The following POLR3G variants were observed in gnomAD, a reference collection of about 807,000 sequenced individuals.
POLR3G encodes DNA-directed RNA polymerase III subunit RPC7.
In POLR3G, 28 loss-of-function variants were observed where a neutral mutation model predicts 30.1. The observed-to-expected ratio is 0.93, with a 90% CI of 0.69 to 1.27. The LOEUF (loss-of-function observed/expected upper bound fraction) is 1.27. Among genes scored for constraint, POLR3G ranks in the 50% most tolerant of loss-of-function variants. The pLI, the probability that POLR3G is intolerant of heterozygous loss-of-function variation, is 0.00. For synonymous variants in POLR3G, 79 were observed against 82.5 expected, an observed-to-expected ratio of 0.96 and a Z score of 0.23; for missense variants, 254 against 264.6, an observed-to-expected ratio of 0.96 and a Z score of 0.28.
At chr5:90,473,960 C>A, upstream of POLR3G, 2 of 1,600,772 alleles carry the variant, frequency 1.2e-6, no homozygotes, top group East Asian at 2.3e-5. Context: ...CAAAGTTGTC[C>A]CCGCGAGCCA....
At chr5:90,495,441 A>G (rs2255938) in intron 3 of POLR3G, among the ~76,000 whole-genome samples, 103,912 of 152,024 alleles carry the variant, frequency 0.68, 36,119 homozygotes, top group African/African-American at 0.81. Flanking sequence ...GTTTTCAGCA[A>G]TTGGCATGTA....
chr5:90,495,665 T>G lies in POLR3G; in HGVS notation c.248-12T>G, dbSNP rs769838630. On this transcript the variant is annotated splice_polypyrimidine_tract_variant and intron_variant, in intron 3 of 7. Coordinates refer to ENST00000651687, the MANE Select transcript of POLR3G (RefSeq NM_006467.3). ...ATTTTCCTAATGAGTTCTTTATTCT[T>G]TTTTCCCCTAGATATTGAAAGGTAT... The G allele has an allele frequency of 1.0e-5, 16 of 1,600,174 alleles. No homozygotes were observed. Among genetic ancestry groups the G allele is most frequent in the Non-Finnish European group, 1.3e-5 (15 of 1,173,842 alleles).
At chr5:90,505,941 G>C (rs1752460889) in intron 6 of POLR3G, among the ~76,000 whole-genome samples, 1 of 152,114 alleles carries the variant, frequency 6.6e-6, no homozygotes, top group Non-Finnish European at 1.5e-5. Context: ...TTTAGAAGGA[G>C]GTAAGATAGA....
At chr5:90,490,273 G>GT (rs1299729037) in intron 3 of POLR3G, among the ~76,000 whole-genome samples, 1 of 106,840 alleles carries the variant, frequency 9.4e-6, no homozygotes, top group East Asian at 2.6e-4. Flanking sequence ...AAAATATAAG[G>GT]GTTTTTTTTT....
intron 4 of POLR3G, among the ~76,000 whole-genome samples, chr5:90,497,087 TAAAAG>T (rs987806831): frequency 1.3e-5 from 2 of 152,188 alleles, no homozygotes; most frequent in African/African-American, 4.8e-5. Context: ...GCTTAAAAAT[TAAAAG>T]AAAGTGACAC....
intron 7 of POLR3G, among the ~76,000 whole-genome samples, chr5:90,508,711 G>T (rs908155264): frequency 6.6e-5 from 10 of 151,908 alleles, no homozygotes; most frequent in African/African-American, 2.4e-4. Flanking sequence ...ACAAATTTTA[G>T]CCTTTATGTC....
chr5:90,479,482 C>T (rs952511230), intron 1 of POLR3G, among the ~76,000 whole-genome samples: 1 of 152,112 alleles, frequency 6.6e-6, no homozygotes, highest in Non-Finnish European at 1.5e-5. Context: ...CGGGAAAAAA[C>T]AAACAAACAA....
chr5:90,498,958 T>C (rs1264689227), intron 5 of POLR3G, among the ~76,000 whole-genome samples: 1 of 152,136 alleles, frequency 6.6e-6, no homozygotes, highest in Non-Finnish European at 1.5e-5. Context: ...GAGTTGAGAT[T>C]GAAGGATGAA....
intron 6 of POLR3G, chr5:90,502,473 TAAA>T: frequency 1.4e-6 from 1 of 700,182 alleles, no homozygotes; most frequent in Non-Finnish European, 1.8e-6. Context: ...ATTTCAAAAA[TAAA>T]AAAATGTAGA....
rs768132647 is a variant in POLR3G, at chr5:90,506,609, G to A, written c.520G>A (p.Gly174Ser). The part of the protein sequence containing the change: ...KEGSKEKSKE[G>S]DDDDDDDAAE... ...AGGAAGCAAAGAGAAAAGTAAAGAA[G>A]GTGATGATGACGATGACGATGATGC... The change falls in exon 7 of 8, where the codon GGT becomes AGT. Residue 174 changes from glycine to serine, a missense_variant. Gly to Ser is a moderately conservative substitution (Grantham distance 56, BLOSUM62 0). Transcript: ENST00000651687. 65 of 1,613,582 alleles carry A rather than the reference G, an allele frequency of 4.0e-5. No individual in the cohort carries two copies. The highest frequency in any genetic ancestry group is 5.4e-5 in the Non-Finnish European group (64 of 1,179,796).
chr5:90,475,276 T>C (rs1006534481), intron 1 of POLR3G, among the ~76,000 whole-genome samples: 1 of 152,134 alleles, frequency 6.6e-6, no homozygotes, highest in African/African-American at 2.4e-5. Flanking sequence ...GTATTTATGC[T>C]CTTACTGATA....
intron 7 of POLR3G, among the ~76,000 whole-genome samples, chr5:90,508,382 G>A (rs1015863084): frequency 2.0e-5 from 3 of 150,894 alleles, no homozygotes; most frequent in East Asian, 3.9e-4. Context: ...TGGGGCTAAC[G>A]GCCCTATCCT....
chr5:90,487,516 C>G (rs915743860), intron 2 of POLR3G, among the ~76,000 whole-genome samples: 1 of 150,940 alleles, frequency 6.6e-6, no homozygotes, highest in Admixed American at 6.6e-5. Flanking sequence ...CTCAGCCTCC[C>G]GAGTAGCTGG....
At chr5:90,485,320 T>C (rs1484698070) in intron 1 of POLR3G, among the ~76,000 whole-genome samples, 2 of 152,198 alleles carry the variant, frequency 1.3e-5, no homozygotes, top group Non-Finnish European at 2.9e-5. Flanking sequence ...GTGAGGGGGT[T>C]GAAGCCATCA....
At chr5:90,499,594 T>C (rs1752150468) in intron 5 of POLR3G, among the ~76,000 whole-genome samples, 1 of 152,058 alleles carries the variant, frequency 6.6e-6, no homozygotes, top group Non-Finnish European at 1.5e-5. Context: ...AATTTTGCTA[T>C]GAAGAATGAA....
chr5:90,510,235 G>A (rs538527351), intron 7 of POLR3G, among the ~76,000 whole-genome samples: 10 of 152,142 alleles, frequency 6.6e-5, no homozygotes, highest in African/African-American at 2.4e-4. Context: ...AAAATTAGCC[G>A]GGCGTGGTGG....
intron 1 of POLR3G, among the ~76,000 whole-genome samples, chr5:90,477,444 C>T (rs891446001): frequency 6.6e-6 from 1 of 151,976 alleles, no homozygotes; most frequent in African/African-American, 2.4e-5. Flanking sequence ...TTTTAGAGGT[C>T]CAGGTGAGAG....
chr5:90,473,929 C>G, upstream of POLR3G: 2 of 1,605,500 alleles, frequency 1.2e-6, no homozygotes, highest in Non-Finnish European at 1.7e-6. Flanking sequence ...ACCTCGCTAT[C>G]GGAAAGCCAG....
At position 90,495,718 on chromosome 5, in the gene POLR3G, G is replaced by A; in HGVS notation, c.289G>A (p.Glu97Lys). The stretch of plus-strand genomic sequence containing the variant: ...TAAAAGATACATGAAGGTATACAAG[G>A]AAGAATGGATACCAGGTAACTACAA... ...YSKRYMKVYK[E>K]EWIPDWRRLP... Residue 97 changes from glutamate to lysine, a missense_variant, in exon 4 of 8, where the codon GAA (glutamate) becomes AAA (lysine). Coordinates refer to ENST00000651687, the MANE Select transcript of POLR3G (RefSeq NM_006467.3). The A allele has an allele frequency of 1.3e-6, 2 of 1,597,176 alleles. No homozygotes were observed. Among genetic ancestry groups the A allele is most frequent in the Non-Finnish European group, 1.7e-6 (2 of 1,172,614 alleles).
Sources: gnomAD v4.1 joint callset for allele counts (sites outside exome capture counted in the v4.1 genomes callset) on GRCh38, gnomAD v4.1.1 for gene constraint, MANE v1.5 for transcripts, NCBI Gene and HGNC (gene_info 2026-07-23, HGNC 2026-07-21) for gene names.